RBP5: variants seen among roughly 807,000 people sequenced by gnomAD.
RBP5 encodes retinol-binding protein 5.
Under a neutral mutation model 17.8 loss-of-function variants are expected in RBP5, and 12 were observed. That is an observed-to-expected ratio of 0.67 (90% confidence interval 0.43 to 1.09). RBP5 has a LOEUF of 1.09. RBP5 is among the 50% of genes least tolerant of loss of function. The pLI is 0.00. For missense variants in RBP5, 172 were observed against 169.4 expected, an observed-to-expected ratio of 1.02 and a Z score of -0.09; for synonymous variants, 64 against 68.1, an observed-to-expected ratio of 0.94 and a Z score of 0.30.
At chr12:7,127,515 T>C in intron 2 of RBP5, 1 of 615,500 alleles carries the variant, frequency 1.6e-6, no homozygotes. Context: ...CTATACTGTA[T>C]TGTTTTTTAT....
intron 2 of RBP5, among the ~76,000 whole-genome samples, chr12:7,125,463 T>A (rs1013832311): frequency 1.3e-5 from 2 of 152,156 alleles, no homozygotes; most frequent in East Asian, 1.9e-4. Context: ...TCCTTAGAAA[T>A]AAAGGGTCAG....
chr12:7,129,573 T>C (rs1939239279), upstream of RBP5: 2 of 976,984 alleles, frequency 2.0e-6, no homozygotes, highest in South Asian at 4.7e-5. This position sits in a 1 kb window ranked among gnomAD's most constrained non-coding sequence, Gnocchi z 5.5. Context: ...TCTCTCCCTC[T>C]GAGTCATCGA....
chr12:7,129,188 G>A (rs945393241), upstream of RBP5: 5 of 272,474 alleles, frequency 1.8e-5, no homozygotes, highest in African/African-American at 1.1e-4. The surrounding 1 kb of genome is among the most constrained non-coding windows in gnomAD (Gnocchi z 5.5). Context: ...CTTGGGAACC[G>A]TCCCAGGGCC....
chr12:7,128,239 C>G lies in RBP5; in HGVS notation c.252+1G>C. On this transcript the variant is annotated splice_donor_variant, in intron 2 of 3. Coordinates refer to ENST00000266560, the MANE Select transcript of RBP5 (RefSeq NM_031491.4). LOFTEE classifies it high-confidence loss of function. This position sits in a 1 kb window ranked among gnomAD's most constrained non-coding sequence, Gnocchi z 5.3. ...CCACCGCCCAGCCAGGGGAAATGTA[C>G]CTGGCATTTTCGTCCGTCCACGCTC... 2 of 1,607,946 alleles carry G rather than the reference C, an allele frequency of 1.2e-6. No individual in the cohort carries two copies. Among genetic ancestry groups the G allele is most frequent in the Non-Finnish European group, 1.7e-6 (2 of 1,175,848 alleles).
In RBP5 at chr12:7,128,561, TGGATC is replaced by T; in HGVS notation, c.73+137_73+141del. ...CCTCCTACCAATGCCTGGTTAGAAATGGATCCCAGGTCTGGTGCCAGCCGCCTGAG... is the reference window on the plus strand; with the variant it reads ...CCTCCTACCAATGCCTGGTTAGAAATCCAGGTCTGGTGCCAGCCGCCTGAG... On this transcript the variant is annotated intron_variant, in intron 1 of 3. Transcript: ENST00000266560. This position sits in a 1 kb window ranked among gnomAD's most constrained non-coding sequence, Gnocchi z 5.3. 8.4e-7 allele frequency: 1 copy of T among 1,186,876 alleles called. No homozygotes were observed. 73.5% of individuals were successfully genotyped at this position (1,186,876 alleles called of 1,614,324 possible). A position where few individuals can be genotyped will look rare whatever the true frequency, so the allele number is the denominator to read the frequency against.
chr12:7,124,000 A>T lies in RBP5; in HGVS notation c.*121T>A, dbSNP rs1939118476. ...CACGGGGAGGGGTGAGGAGGGACCCAGAGGGAGGAAAGGTGGCCAGAGGAA... is the reference window on the plus strand; with the variant it reads ...CACGGGGAGGGGTGAGGAGGGACCCTGAGGGAGGAAAGGTGGCCAGAGGAA... On this transcript the variant is annotated 3_prime_UTR_variant, in exon 4 of 4. Transcript: ENST00000266560. 1 of 918,210 alleles carries T rather than the reference A, an allele frequency of 1.1e-6. No homozygotes were observed. The highest frequency in any genetic ancestry group is 1.6e-5 in the African/African-American group (1 of 61,886). The allele number at this position is 918,210 out of a possible 1,614,324, so 56.9% of individuals were successfully genotyped here.
At chr12:7,122,630 T>C (rs1404082644), downstream of RBP5, 1 of 152,196 alleles carries the variant, frequency 6.6e-6, no homozygotes, top group Non-Finnish European at 1.5e-5. Flanking sequence ...GGAAGAGGCT[T>C]GGACATGCAC....
chr12:7,128,497 G>C lies in RBP5; in HGVS notation c.74-79C>G. The C allele has an allele frequency of 2.7e-6, 4 of 1,455,558 alleles. No individual in the cohort carries two copies. The highest frequency in any genetic ancestry group is 3.8e-6 in the Non-Finnish European group (4 of 1,047,356). The allele number at this position is 1,455,558 out of a possible 1,614,324, so 90.2% of individuals were successfully genotyped here. The stretch of plus-strand genomic sequence containing the variant: ...GCCTGCAGCAGCCCCTCAGGGCTGT[G>C]AGTTTCCCTTCTTTGGGTCTGGGAC... On this transcript the variant is annotated intron_variant, in intron 1 of 3. Coordinates refer to ENST00000266560, the MANE Select transcript of RBP5 (RefSeq NM_031491.4). The surrounding 1 kb of genome is among the most constrained non-coding windows in gnomAD (Gnocchi z 5.3).
At chr12:7,118,520 A>G (rs1441267377) in intron 3 of RBP5, 3 of 152,272 alleles carry the variant, frequency 2.0e-5, no homozygotes, top group African/African-American at 7.2e-5. Flanking sequence ...CAGAGAGGGA[A>G]AGGAAGATGC....
rs1295577402 is a variant in RBP5 at position 7,128,724 on chromosome 12, C to T, written c.52G>A (p.Glu18Lys). 4.4e-6 allele frequency: 7 copies of T among 1,603,738 alleles called. No individual in the cohort carries two copies. The highest frequency in any genetic ancestry group is 5.1e-6 in the Non-Finnish European group (6 of 1,175,154). ...YYRFVSQKNM[E>K]DYLQALNISL... Reference sequence around the variant, plus strand: ...TTACTTAGGGCTTGCAGGTAGTCCTCCATGTTCTTCTGCGAGACAAAGCGG... The same window carrying T: ...TTACTTAGGGCTTGCAGGTAGTCCTTCATGTTCTTCTGCGAGACAAAGCGG... Residue 18 changes from glutamate to lysine, a missense_variant, in exon 1 of 4, where the codon GAG (glutamate) becomes AAG (lysine). Transcript: ENST00000266560. The surrounding 1 kb of genome is among the most constrained non-coding windows in gnomAD (Gnocchi z 5.3).
At chr12:7,119,766 T>A (rs992775408), downstream of RBP5, among the ~76,000 whole-genome samples, 8 of 152,238 alleles carry the variant, frequency 5.3e-5, no homozygotes, top group African/African-American at 1.9e-4. Flanking sequence ...TGAGTGTGCA[T>A]GCAATCTTCA....
intron 3 of RBP5, chr12:7,118,493 C>T (rs182885681): frequency 5.3e-5 from 8 of 152,280 alleles, no homozygotes; most frequent in East Asian, 3.9e-4. Flanking sequence ...AAGATGCCAC[C>T]GCTGTTGTTC....
intron 2 of RBP5, chr12:7,127,754 C>A: frequency 1.4e-6 from 1 of 700,640 alleles, no homozygotes; most frequent in Non-Finnish European, 2.6e-6. Flanking sequence ...ATGATTTAGC[C>A]TATGGATAGT....
At chr12:7,123,327 C>T (rs1939107052), downstream of RBP5, among the ~76,000 whole-genome samples, 1 of 152,218 alleles carries the variant, frequency 6.6e-6, no homozygotes, top group Admixed American at 6.5e-5. Flanking sequence ...GCTTCTCCCT[C>T]CTATGCCTTC....
At chr12:7,115,988 C>T (rs1166137747) in exon 4 of RBP5, 1 of 152,204 alleles carries the variant, frequency 6.6e-6, no homozygotes, top group East Asian at 1.9e-4. Context: ...CCCCATGATC[C>T]AATCACCTCT....
rs35155124 is a variant in RBP5 at position 7,126,988 on chromosome 12, A to ATTT, written c.252+1249_252+1251dup. On this transcript the variant is annotated intron_variant, in intron 2 of 3. Transcript: ENST00000266560. Reference sequence around the variant, plus strand: ...GCCCGGCTAATTTTTGTACTTTTGTATTTTTTTTTTTTTTTTTTTTTGAGA... The same window carrying ATTT: ...GCCCGGCTAATTTTTGTACTTTTGTATTTTTTTTTTTTTTTTTTTTTTTTGAGA... Among the ~76,000 whole-genome samples the ATTT allele has an allele frequency of 1.1e-3, 91 of 86,520 alleles. 1 individual carries two copies. The highest frequency in any genetic ancestry group is 1.4e-3 in the Non-Finnish European group (65 of 44,972). The allele number at this position is 86,520 out of a possible 152,430, so 56.8% of individuals were successfully genotyped here.
upstream of RBP5, chr12:7,129,565 T>C (rs1939239186): frequency 2.1e-6 from 2 of 965,364 alleles, no homozygotes; most frequent in Non-Finnish European, 2.5e-6. The surrounding 1 kb of genome is among the most constrained non-coding windows in gnomAD (Gnocchi z 5.5). Context: ...GGGGGTTTTC[T>C]CTCCCTCTGA....
In RBP5 at chr12:7,128,601, A is replaced by G; in HGVS notation, c.73+102T>C. On this transcript the variant is annotated intron_variant, in intron 1 of 3. Coordinates refer to ENST00000266560, the MANE Select transcript of RBP5 (RefSeq NM_031491.4). The surrounding 1 kb of genome is among the most constrained non-coding windows in gnomAD (Gnocchi z 5.3). ...GTGCCAGCCGCCTGAGCCTTTCCACAGTGTCCAACCCCGGGCATTCCCTCT... is the reference window on the plus strand; with the variant it reads ...GTGCCAGCCGCCTGAGCCTTTCCACGGTGTCCAACCCCGGGCATTCCCTCT... 7.9e-7 allele frequency: 1 copy of G among 1,272,338 alleles called. No individual in the cohort carries two copies. The highest frequency in any genetic ancestry group is 1.1e-6 in the Non-Finnish European group (1 of 894,098). 78.8% of individuals were successfully genotyped at this position (1,272,338 alleles called of 1,614,324 possible).
At chr12:7,122,802 C>T (rs771262027), downstream of RBP5, among the ~76,000 whole-genome samples, 2 of 152,316 alleles carry the variant, frequency 1.3e-5, no homozygotes, top group African/African-American at 4.8e-5. Flanking sequence ...TTCCACTCTA[C>T]TGTGGACATC....
Sources: gnomAD v4.1 joint callset for allele counts (sites outside exome capture counted in the v4.1 genomes callset) on GRCh38, gnomAD v4.1.1 for gene constraint, Gnocchi (gnomAD v3.1) non-coding constraint, MANE v1.5 for transcripts, NCBI Gene and HGNC (gene_info 2026-07-23, HGNC 2026-07-21) for gene names.